SIRT1: variants seen among roughly 807,000 people sequenced by gnomAD.
SIRT1 encodes the protein sirtuin 1.
SIRT1 carries 24 observed loss-of-function variants against 67.9 expected under a neutral mutation model. That is an observed-to-expected ratio of 0.35 (90% CI 0.26 to 0.50). The LOEUF is 0.50. SIRT1 is among the 20% of genes least tolerant of loss of function. SIRT1 has a pLI of 0.98. For missense variants in SIRT1, 873 were observed against 937.2 expected (o/e 0.93, Z 0.89); for synonymous variants, 378 against 350.7 (o/e 1.08, Z -0.87).
At position 67,885,002 on chromosome 10, in the gene SIRT1, C is replaced by G; in HGVS notation, c.281C>G (p.Ala94Gly). The G allele has an allele frequency of 1.1e-5, 15 of 1,310,104 alleles. No homozygotes were observed. The highest frequency in any genetic ancestry group is 1.5e-5 in the Non-Finnish European group (15 of 1,022,372). 81.2% of individuals were successfully genotyped at this position (1,310,104 alleles called of 1,614,324 possible). A position where few individuals can be genotyped will look rare whatever the true frequency, so the allele number is the denominator to read the frequency against. The stretch of plus-strand genomic sequence containing the variant: ...GCAGGCGGGGAGCAAGAGGCCCAGG[C>G]GACTGCGGCGGCTGGGGAAGGAGAC... Reference protein sequence around the residue: ...AAAGGEQEAQATAAAGEGDNG... With the variant: ...AAAGGEQEAQGTAAAGEGDNG... Residue 94 changes from alanine (A) to glycine (G), a missense_variant, in exon 1 of 9, where the codon GCG becomes GGG. Ala to Gly is a moderately conservative substitution (Grantham distance 60). Coordinates refer to ENST00000212015, the MANE Select transcript of SIRT1 (RefSeq NM_012238.5).
intron 1 of SIRT1, chr10:67,885,459 C>T (rs1013209372): frequency 2.7e-6 from 3 of 1,124,550 alleles, no homozygotes; most frequent in Non-Finnish European, 3.3e-6. Flanking sequence ...ACTCTTTTAG[C>T]ATATTGCTTT....
Position 67,912,847 on chromosome 10 carries a change from A to G in SIRT1, c.1731A>G (p.Glu577=), listed in dbSNP as rs1406844570. The G allele has an allele frequency of 6.2e-7, 1 of 1,614,142 alleles. No individual in the cohort carries two copies. ...CTGAATCAAAAGGTTGTATGGAAGA[A>G]AAACCACAGGAAGTACAAACTTCTA... ...DVSESKGCME[E]KPQEVQTSRN... The change falls in exon 8 of 9, where the codon GAA becomes GAG. Residue 577 remains glutamate (E), a synonymous_variant. Transcript: ENST00000212015.
At chr10:67,901,298 ATT>A (rs894543230) in intron 4 of SIRT1, among the ~76,000 whole-genome samples, 1 of 150,472 alleles carries the variant, frequency 6.6e-6, no homozygotes, top group Non-Finnish European at 1.5e-5. Flanking sequence ...ATGCCCGGCT[ATT>A]TTTTTTTGTA....
At chr10:67,905,802 G>A (rs994165975) in intron 4 of SIRT1, among the ~76,000 whole-genome samples, 1 of 152,120 alleles carries the variant, frequency 6.6e-6, no homozygotes, top group African/African-American at 2.4e-5. Context: ...TTTCACGTAT[G>A]TCATGAACCA....
intron 4 of SIRT1, 129 bp from the exon 5 acceptor site, chr10:67,906,661 C>T: frequency 2.1e-6 from 2 of 949,838 alleles, no homozygotes; most frequent in South Asian, 3.1e-5. Flanking sequence ...CATCTAGATA[C>T]TTTAAAATGC....
At chr10:67,892,768 A>G (rs1006748494) in intron 4 of SIRT1, among the ~76,000 whole-genome samples, 2 of 151,904 alleles carry the variant, frequency 1.3e-5, no homozygotes, top group African/African-American at 4.8e-5. Flanking sequence ...TGCCCAGCTA[A>G]TTTCTGTATT....
chr10:67,912,920 A>G lies in SIRT1; in HGVS notation c.1804A>G (p.Asn602Asp). The G allele has an allele frequency of 1.2e-6, 2 of 1,614,122 alleles. No homozygotes were observed. The highest frequency in any genetic ancestry group is 1.7e-6 in the Non-Finnish European group (2 of 1,180,026). Residue 602 changes from asparagine (N) to aspartate (D), a missense_variant, in exon 8 of 9, where the codon AAT (asparagine) becomes GAT (aspartate). This residue lies in a region of SIRT1 where 295 missense variants were observed against 294.5 expected (regional missense o/e 1.00). Transcript: ENST00000212015. ...AEQMENPDLKNVGSSTGEKNE... is the reference protein window; with the variant it reads ...AEQMENPDLKDVGSSTGEKNE... ...ACAGATGGAAAATCCGGATTTGAAG[A>G]ATGTTGGTTCTAGTACTGGGGAGAA...
chr10:67,908,093 T>G lies in SIRT1; in HGVS notation c.1138T>G (p.Cys380Gly), dbSNP rs779440453. Residue 380 changes from cysteine to glycine, a missense_variant, in exon 6 of 9, where the codon TGT becomes GGT. Coordinates refer to ENST00000212015, the MANE Select transcript of SIRT1 (RefSeq NM_012238.5). ...CCTGATTTGTAAATACAAAGTTGAC[T>G]GTGAAGCTGTACGAGGAGATATTTT... is the stretch of plus-strand genomic sequence containing the variant. ...SCLICKYKVDCEAVRGDIFNQ... is the reference protein window; with the variant it reads ...SCLICKYKVDGEAVRGDIFNQ... The G allele has an allele frequency of 6.2e-7, 1 of 1,613,666 alleles. No individual in the cohort carries two copies. The highest frequency in any genetic ancestry group is 1.1e-5 in the South Asian group (1 of 90,994).
At position 67,908,143 on chromosome 10, in the gene SIRT1, T is replaced by A. The variant is rs769038201; in HGVS notation, c.1170+18T>A. 1 of 1,602,032 alleles carries A rather than the reference T, an allele frequency of 6.2e-7. No individual in the cohort carries two copies. Among genetic ancestry groups the A allele is most frequent in the Non-Finnish European group, 8.5e-7 (1 of 1,170,224 alleles). ...TTAATCAGGTAATTTGTTGCCCATA[T>A]TTTAGGAATTGTTCATGTCTCTGAA... On this transcript the variant is annotated intron_variant, in intron 6 of 8. Transcript: ENST00000212015.
chr10:67,885,298 C>G lies in SIRT1; in HGVS notation c.430+147C>G, dbSNP rs1035592826. ...CCCCGGCCCTCCGTTCAGCCGCGCTCCTCCGGGGCTGCGGTTCCTACTGCG... is the reference window on the plus strand; with the variant it reads ...CCCCGGCCCTCCGTTCAGCCGCGCTGCTCCGGGGCTGCGGTTCCTACTGCG... On this transcript the variant is annotated intron_variant, in intron 1 of 8. Coordinates refer to ENST00000212015, the MANE Select transcript of SIRT1 (RefSeq NM_012238.5). The G allele has an allele frequency of 4.8e-6, 6 of 1,241,146 alleles. 1 individual carries two copies. In the Admixed American group the frequency reaches 1.7e-4, roughly 35 times the overall value. The allele number at this position is 1,241,146 out of a possible 1,614,324, so 76.9% of individuals were successfully genotyped here.
intron 8 of SIRT1, among the ~76,000 whole-genome samples, chr10:67,915,707 T>C (rs1238870004): frequency 1.3e-5 from 2 of 152,188 alleles, no homozygotes; most frequent in African/African-American, 4.8e-5. Context: ...TGAAGATGCT[T>C]TAAAAGCCTG....
chr10:67,910,017 G>GT (rs1396564625), intron 7 of SIRT1, among the ~76,000 whole-genome samples: 2 of 152,026 alleles, frequency 1.3e-5, no homozygotes, highest in Non-Finnish European at 2.9e-5. Context: ...TGGCTGAACT[G>GT]TTTTTTTAGG....
intron 1 of SIRT1, chr10:67,885,498 A>AT (rs1842463478): frequency 4.6e-6 from 4 of 871,944 alleles, no homozygotes; most frequent in African/African-American, 1.8e-5. Flanking sequence ...CTTTTTCTTT[A>AT]TTTTTTATTT....
chr10:67,891,617 T>G, intron 4 of SIRT1, 63 bp downstream of exon 4: 2 of 1,516,166 alleles, frequency 1.3e-6, no homozygotes, highest in Non-Finnish European at 1.8e-6. Flanking sequence ...TTTGTTCACA[T>G]ACAGCCACCT....
chr10:67,905,982 G>GAAGT (rs1346685930), intron 4 of SIRT1: 4 of 365,366 alleles, frequency 1.1e-5, no homozygotes. Flanking sequence ...GAATGGTAAG[G>GAAGT]AAGTAAGTAG....
At position 67,887,504 on chromosome 10, in the gene SIRT1, C is replaced by A; in HGVS notation, c.518C>A (p.Ser173Tyr). The A allele has an allele frequency of 6.2e-7, 1 of 1,613,198 alleles. No homozygotes were observed. The highest frequency in any genetic ancestry group is 1.1e-5 in the South Asian group (1 of 91,058). Residue 173 changes from serine (S) to tyrosine (Y), a missense_variant, in exon 2 of 9, where the codon TCT (serine) becomes TAT (tyrosine). Physicochemically the swap from Ser to Tyr is moderately radical, Grantham distance 144. Coordinates refer to ENST00000212015, the MANE Select transcript of SIRT1 (RefSeq NM_012238.5). The part of the protein sequence containing the change: ...DEEDRASHAS[S>Y]SDWTPRPRIG... ...GAGGATAGAGCCTCACATGCAAGCT[C>A]TAGTGACTGGACTCCAAGGCCACGG... is the stretch of plus-strand genomic sequence containing the variant.
intron 3 of SIRT1, 129 bp downstream of exon 3, chr10:67,889,252 C>G: frequency 9.8e-7 from 1 of 1,023,768 alleles, no homozygotes; most frequent in Non-Finnish European, 1.4e-6. Context: ...CTGCCAAAAA[C>G]TGAGTGCAGC....
At position 67,917,029 on chromosome 10, in the gene SIRT1, A is replaced by T. The variant is rs2029942146; in HGVS notation, c.*436A>T. The T allele has an allele frequency of 6.5e-6, 1 of 152,874 alleles. No homozygotes were observed. Among genetic ancestry groups the T allele is most frequent in the South Asian group, 2.1e-4 (1 of 4,838 alleles). 9.5% of individuals were successfully genotyped at this position (152,874 alleles called of 1,614,324 possible). A position where few individuals can be genotyped will look rare whatever the true frequency, so the allele number is the denominator to read the frequency against. On this transcript the variant is annotated 3_prime_UTR_variant, in exon 9 of 9. Coordinates refer to ENST00000212015, the MANE Select transcript of SIRT1 (RefSeq NM_012238.5). ...AATGGTATTTTCACTTTTCTTTGTA[A>T]CATTGAATGGTTTGAAGTACTCAAA... is the stretch of plus-strand genomic sequence containing the variant.
chr10:67,913,155 T>G (rs1842924589), intron 8 of SIRT1, 124 bp downstream of exon 8: 6 of 950,456 alleles, frequency 6.3e-6, no homozygotes, highest in Admixed American at 3.1e-5. Context: ...TTAGAGAAAC[T>G]GTACAGTTCG....
Sources: gnomAD v4.1 joint callset for allele counts (sites outside exome capture counted in the v4.1 genomes callset) on GRCh38, gnomAD v4.1.1 for gene constraint, gnomAD v4.1.1 regional missense constraint, MANE v1.5 for transcripts, NCBI Gene and HGNC (gene_info 2026-07-23, HGNC 2026-07-21) for gene names.